The following RBFOX1 variants were observed in gnomAD, a reference collection of about 807,000 sequenced individuals.
RBFOX1 encodes the protein RNA binding fox-1 homolog 1.
A neutral mutation model predicts 57.7 loss-of-function variants in RBFOX1; 8 were observed. That is an observed-to-expected ratio of 0.14 (90% CI 0.08 to 0.25). The LOEUF is 0.25. Among genes scored for constraint, RBFOX1 ranks in the 10% least tolerant of loss-of-function variants. The pLI is 1.00. For missense variants in RBFOX1, 611 were observed against 548.5 expected, an observed-to-expected ratio of 1.11 and a Z score of -1.14; for synonymous variants, 326 against 222.4, an observed-to-expected ratio of 1.47 and a Z score of -4.15.
chr16:5,552,262 A>T (rs2045494735), intron 2 of RBFOX1, among the ~76,000 whole-genome samples: 3 of 152,128 alleles, frequency 2.0e-5, no homozygotes, highest in African/African-American at 7.2e-5. Flanking sequence ...GTGGTTTATT[A>T]TCCATCCCTC....
intron 1 of RBFOX1, among the ~76,000 whole-genome samples, chr16:6,207,835 A>G (rs774313800): frequency 6.6e-6 from 1 of 152,026 alleles, no homozygotes; most frequent in Non-Finnish European, 1.5e-5. Context: ...CTACAGATGT[A>G]TGGCACCACA....
At chr16:6,662,537 G>T (rs972087621) in intron 3 of RBFOX1, among the ~76,000 whole-genome samples, 4 of 152,064 alleles carry the variant, frequency 2.6e-5, no homozygotes, top group African/African-American at 9.7e-5. Flanking sequence ...GGCAAATGAG[G>T]TACCTTCAGG....
At chr16:6,059,166 G>C (rs979502848) in intron 1 of RBFOX1, 1 of 152,184 alleles carries the variant, frequency 6.6e-6, no homozygotes, top group South Asian at 2.1e-4. Context: ...TAATTCATCT[G>C]GACTTGGAGT....
At chr16:7,184,795 C>G (rs2083396218) in intron 4 of RBFOX1, among the ~76,000 whole-genome samples, 2 of 152,154 alleles carry the variant, frequency 1.3e-5, no homozygotes, top group Admixed American at 6.6e-5. Flanking sequence ...GTTTGTGCCT[C>G]TATGTATCAA....
intron 4 of RBFOX1, among the ~76,000 whole-genome samples, chr16:6,004,582 C>G (rs2060660576): frequency 6.6e-6 from 1 of 152,158 alleles, no homozygotes; most frequent in Non-Finnish European, 1.5e-5. Flanking sequence ...ATTTCTGCAG[C>G]TTCTTATATG....
intron 3 of RBFOX1, among the ~76,000 whole-genome samples, chr16:6,728,145 A>G (rs2067676920): frequency 6.6e-6 from 1 of 152,202 alleles, no homozygotes; most frequent in Admixed American, 6.5e-5. Flanking sequence ...TTTTGTTTTC[A>G]TATCCATTCA....
Position 6,892,775 on chromosome 16 carries a change from C to CTCTCTCTCTCTCTCTCTCT in RBFOX1, c.-15-159282_-15-159281insTCTCTCTCTCTCTCTCTCT, listed in dbSNP as rs1567747539. Among the ~76,000 whole-genome samples the CTCTCTCTCTCTCTCTCTCT allele has an allele frequency of 8.3e-5, 7 of 84,734 alleles. 1 individual carries two copies. The highest frequency in any genetic ancestry group is 3.1e-4 in the African/African-American group (6 of 19,652). 55.6% of individuals were successfully genotyped at this position (84,734 alleles called of 152,430 possible). ...CATATTCTCAAAGCCTCCCTGTCTCCCTCTCTCTCTCTCTCTCTCTCTCTC... is the reference window on the plus strand; with the variant it reads ...CATATTCTCAAAGCCTCCCTGTCTCCTCTCTCTCTCTCTCTCTCTCTCTCTCTCTCTCTCTCTCTCTCTC... On this transcript the variant is annotated intron_variant, in intron 3 of 15. Coordinates refer to ENST00000550418, the MANE Select transcript of RBFOX1 (RefSeq NM_018723.4).
At chr16:5,897,016 C>CTATTTTTTT (rs2058182153) in intron 4 of RBFOX1, among the ~76,000 whole-genome samples, 19 of 56,468 alleles carry the variant, frequency 3.4e-4, no homozygotes, top group African/African-American at 1.5e-3. Flanking sequence ...TATCCATCCG[C>CTATTTTTTT]TTTTTTTTTT....
At chr16:5,801,702 C>G (rs2055062779) in intron 3 of RBFOX1, among the ~76,000 whole-genome samples, 1 of 152,084 alleles carries the variant, frequency 6.6e-6, no homozygotes, top group Non-Finnish European at 1.5e-5. Context: ...CACAATGTGC[C>G]TTTGATAGAG....
chr16:6,410,223 C>A (rs570135920), intron 2 of RBFOX1, among the ~76,000 whole-genome samples: 1 of 144,884 alleles, frequency 6.9e-6, no homozygotes, highest in African/African-American at 2.6e-5. Context: ...TATGAATGTG[C>A]TTTTACAGGT....
At chr16:5,361,325 T>A (rs191967669) in intron 1 of RBFOX1, among the ~76,000 whole-genome samples, 4 of 152,258 alleles carry the variant, frequency 2.6e-5, no homozygotes, top group African/African-American at 9.6e-5. Flanking sequence ...AGAAATAGGT[T>A]AAGAAGTGGG....
chr16:5,548,423 A>G (rs954972977), intron 2 of RBFOX1, among the ~76,000 whole-genome samples: 2 of 151,860 alleles, frequency 1.3e-5, no homozygotes, highest in Non-Finnish European at 2.9e-5. Context: ...AACAGAATGA[A>G]TAAGACCACC....
chr16:6,911,751 A>C (rs747086090), intron 3 of RBFOX1, among the ~76,000 whole-genome samples: 3 of 152,216 alleles, frequency 2.0e-5, no homozygotes, highest in Non-Finnish European at 2.9e-5. Context: ...TTTACCATGC[A>C]TACCTACAGC....
intron 1 of RBFOX1, among the ~76,000 whole-genome samples, chr16:6,081,957 G>C (rs2096007835): frequency 1.3e-5 from 2 of 152,140 alleles, no homozygotes; most frequent in African/African-American, 2.4e-5. Context: ...TCAGGAAGGA[G>C]GGATTATAGT....
At chr16:5,598,782 A>C in intron 2 of RBFOX1, 1 of 714,820 alleles carries the variant, frequency 1.4e-6, no homozygotes, top group Non-Finnish European at 2.3e-6. Context: ...GACAGAGGGT[A>C]CTGTGGCTAA....
At chr16:6,783,769 A>G (rs1411176373) in intron 3 of RBFOX1, among the ~76,000 whole-genome samples, 6 of 152,246 alleles carry the variant, frequency 3.9e-5, no homozygotes, top group East Asian at 1.9e-4. Flanking sequence ...CTTGCTGCAC[A>G]TTTGTACCCC....
intron 4 of RBFOX1, among the ~76,000 whole-genome samples, chr16:7,502,139 C>T (rs2071120572): frequency 6.6e-6 from 1 of 151,988 alleles, no homozygotes; most frequent in Admixed American, 6.6e-5. Context: ...AAAACTTATG[C>T]AACACACAAT....
chr16:7,388,776 T>C (rs1471255590), intron 4 of RBFOX1, among the ~76,000 whole-genome samples: 1 of 151,936 alleles, frequency 6.6e-6, no homozygotes, highest in Admixed American at 6.6e-5. Flanking sequence ...TTGTGTTAGA[T>C]GAGTTTGTCC....
intron 2 of RBFOX1, among the ~76,000 whole-genome samples, chr16:6,613,671 A>G (rs28630817): frequency 0.017 from 2,564 of 152,330 alleles, 86 homozygotes; most frequent in African/African-American, 0.058. Context: ...GTAGTGTGTT[A>G]TCTCATTTTT....
Sources: allele counts gnomAD v4.1 joint callset (sites outside exome capture counted in the v4.1 genomes callset), GRCh38; gene constraint gnomAD v4.1.1; transcripts MANE v1.5; gene names NCBI Gene and HGNC (gene_info 2026-07-23, HGNC 2026-07-21).